SLC35B3: variants seen among roughly 807,000 people sequenced by gnomAD.
SLC35B3 encodes solute carrier family 35 member B3.
In SLC35B3, 35 loss-of-function variants were observed where a neutral mutation model predicts 44.1. The ratio of observed to expected loss-of-function variants is 0.79; its 90% CI spans 0.61 to 1.05. SLC35B3 has a LOEUF of 1.05. Among genes scored for constraint, SLC35B3 ranks in the 50% least tolerant of loss-of-function variants. The pLI, the probability that SLC35B3 is intolerant of heterozygous loss-of-function variation, is 0.00. For missense variants in SLC35B3, 414 were observed against 476.4 expected (o/e 0.87, Z 1.22); for synonymous variants, 146 against 167.3 (o/e 0.87, Z 0.98).
rs1764132444 is a variant in SLC35B3 at position 8,432,967 on chromosome 6, C to T, written c.3+1418G>A. ...AAATGGCCAAAGCTGATTATTTTCC[C>T]CTCAAAACAAATCTACTGTTTGTTC... On this transcript the variant is annotated intron_variant, in intron 2 of 10. Coordinates refer to ENST00000644923, the MANE Select transcript of SLC35B3 (RefSeq NM_001370476.2). The surrounding 1 kb of genome is among the most constrained non-coding windows in gnomAD (Gnocchi z 4.8). Among the ~76,000 whole-genome samples, 1 of 152,152 alleles carries T rather than the reference C, an allele frequency of 6.6e-6. No homozygotes were observed. Among genetic ancestry groups the T allele is most frequent in the South Asian group, 2.1e-4 (1 of 4,836 alleles).
chr6:8,421,734 G>C (rs1762908293), intron 5 of SLC35B3, among the ~76,000 whole-genome samples: 1 of 152,138 alleles, frequency 6.6e-6, no homozygotes, highest in African/African-American at 2.4e-5. Context: ...TAAAAACGCA[G>C]TTCTGCTCAG....
intron 5 of SLC35B3, 68 bp downstream of exon 4, chr6:8,422,402 T>C: frequency 8.6e-7 from 1 of 1,166,772 alleles, no homozygotes. Flanking sequence ...TTAATGTTTT[T>C]CCTAATGCTA....
rs1762088556 is a variant in SLC35B3, at chr6:8,412,554, A to T, written c.*995T>A. 6.6e-6 allele frequency among the ~76,000 whole-genome samples: 1 copy of T among 152,170 alleles called. No homozygotes were observed. The highest frequency in any genetic ancestry group is 2.4e-5 in the African/African-American group (1 of 41,444). The stretch of plus-strand genomic sequence containing the variant: ...ACACATACTTACATGATGCAGAATG[A>T]TGTCTGTTTTTACTACCTTGCCTAT... On this transcript the variant is annotated 3_prime_UTR_variant, in exon 11 of 11. Coordinates refer to ENST00000644923, the MANE Select transcript of SLC35B3 (RefSeq NM_001370476.2).
In SLC35B3 at chr6:8,432,231, A is replaced by C. The variant is rs1342994153; in HGVS notation, c.4-2074T>G. ...CCTTCTGCTTGGATACGATTTTTGA[A>C]ATGGATGGTGGTACTGGCAAACTTT... is the stretch of plus-strand genomic sequence containing the variant. On this transcript the variant is annotated intron_variant, in intron 2 of 10. Coordinates refer to ENST00000644923, the MANE Select transcript of SLC35B3 (RefSeq NM_001370476.2). The surrounding 1 kb of genome is among the most constrained non-coding windows in gnomAD (Gnocchi z 4.8). Among the ~76,000 whole-genome samples, 1 of 151,868 alleles carries C rather than the reference A, an allele frequency of 6.6e-6. No homozygotes were observed. The highest frequency in any genetic ancestry group is 1.5e-5 in the Non-Finnish European group (1 of 67,984).
intron 3 of SLC35B3, among the ~76,000 whole-genome samples, chr6:8,428,328 TTAA>T (rs1401498453): frequency 2.6e-4 from 40 of 152,330 alleles, no homozygotes; most frequent in Admixed American, 1.3e-3. Flanking sequence ...ATATCAGTTA[TTAA>T]TAAGCCATTC....
intron 5 of SLC35B3, among the ~76,000 whole-genome samples, chr6:8,421,590 C>G (rs962902859): frequency 1.3e-5 from 2 of 152,192 alleles, no homozygotes; most frequent in Admixed American, 1.3e-4. Flanking sequence ...ACGAATATTC[C>G]TCGTGACAAT....
At position 8,435,295 on chromosome 6, in the gene SLC35B3, A is replaced by G. The variant is rs528122697; in HGVS notation, c.-44+48T>C. The G allele has an allele frequency of 2.6e-3, 3,345 of 1,289,148 alleles. 3 individuals are homozygous for G. The highest frequency in any genetic ancestry group is 3.0e-3 in the Non-Finnish European group (3,010 of 988,800). 79.9% of individuals were successfully genotyped at this position (1,289,148 alleles called of 1,614,324 possible). ...GCAGTGTCAAGGTTTTCTGGAGGAGAGGAGATCTGGGTCCCAAACACAGGA... is the reference window on the plus strand; with the variant it reads ...GCAGTGTCAAGGTTTTCTGGAGGAGGGGAGATCTGGGTCCCAAACACAGGA... On this transcript the variant is annotated intron_variant, in intron 1 of 10. Coordinates refer to ENST00000644923, the MANE Select transcript of SLC35B3 (RefSeq NM_001370476.2). The surrounding 1 kb of genome is among the most constrained non-coding windows in gnomAD (Gnocchi z 5.5).
intron 4 of SLC35B3, 186 bp downstream of exon 3, chr6:8,427,751 G>T: frequency 2.3e-6 from 1 of 431,546 alleles, no homozygotes; most frequent in Non-Finnish European, 4.1e-6. Context: ...TTGTAATACT[G>T]CATTTAAGAC....
chr6:8,419,600 T>C lies in SLC35B3; in HGVS notation c.760A>G (p.Asn254Asp). The change falls in exon 7 of 11, where the codon AAT (asparagine) becomes GAT (aspartate). Residue 254 changes from asparagine to aspartate, a missense_variant. Physicochemically the swap from Asn to Asp is conservative, Grantham distance 23. Coordinates refer to ENST00000644923, the MANE Select transcript of SLC35B3 (RefSeq NM_001370476.2). This position sits in a 1 kb window ranked among gnomAD's most constrained non-coding sequence, Gnocchi z 4.3. ...TTTACCATTTCAGAATTAGAAGCAT[T>C]ATGAAGTTTCATAGCTTTCTCTTGA... 1 of 1,556,486 alleles carries C rather than the reference T, an allele frequency of 6.4e-7. No individual in the cohort carries two copies. Among genetic ancestry groups the C allele is most frequent in the Non-Finnish European group, 8.7e-7 (1 of 1,143,026 alleles).
chr6:8,418,047 G>A (rs188666081), intron 7 of SLC35B3, among the ~76,000 whole-genome samples: 11 of 152,040 alleles, frequency 7.2e-5, no homozygotes, highest in Admixed American at 2.0e-4. Flanking sequence ...AGCTCGGTAC[G>A]GATTATTCCA....
Position 8,414,921 on chromosome 6 carries a change from G to A in SLC35B3, c.1042C>T (p.Pro348Ser), listed in dbSNP as rs758163827. 8.1e-6 allele frequency: 13 copies of A among 1,600,818 alleles called. No homozygotes were observed. Among genetic ancestry groups the A allele is most frequent in the Non-Finnish European group, 1.1e-5 (13 of 1,170,912 alleles). Residue 348 changes from proline (P) to serine (S), a missense_variant, in exon 10 of 11, where the codon CCA (proline) becomes TCA (serine). Transcript: ENST00000644923. ...AGAAGTACTTACTGAAACGTGAATG[G>A]TTTAGCAAAGAATATAAACGAAAGT...
rs1020436802 is a variant in SLC35B3, at chr6:8,430,258, T to C, written c.4-101A>G. 6.6e-6 allele frequency: 7 copies of C among 1,061,812 alleles called. No homozygotes were observed. In the African/African-American group the frequency reaches 9.6e-5, roughly 15 times the overall value. The allele number at this position is 1,061,812 out of a possible 1,614,324, so 65.8% of individuals were successfully genotyped here. A position where few individuals can be genotyped will look rare whatever the true frequency, so the allele number is the denominator to read the frequency against. On this transcript the variant is annotated intron_variant, in intron 2 of 10. Transcript: ENST00000644923. The stretch of plus-strand genomic sequence containing the variant: ...TTAAAGTTATACAAATGTCTGCTTC[T>C]CTCTGGATATTAGTATATTAATTCC...
chr6:8,418,531 G>A, intron 7 of SLC35B3, among the ~76,000 whole-genome samples: 1 of 138,938 alleles, frequency 7.2e-6, no homozygotes, highest in East Asian at 2.1e-4. Flanking sequence ...CCAGTTACAA[G>A]ATATACAAAA....
chr6:8,415,324 G>T (rs1762320392), intron 9 of SLC35B3, among the ~76,000 whole-genome samples: 1 of 152,074 alleles, frequency 6.6e-6, no homozygotes, highest in African/African-American at 2.4e-5. Flanking sequence ...TAGAGGCAGG[G>T]GTTATTCTTT....
rs1764044704 is a variant in SLC35B3 at position 8,432,082 on chromosome 6, G to T, written c.4-1925C>A. Among the ~76,000 whole-genome samples the T allele has an allele frequency of 6.6e-6, 1 of 152,136 alleles. No individual in the cohort carries two copies. The highest frequency in any genetic ancestry group is 1.5e-5 in the Non-Finnish European group (1 of 68,036). On this transcript the variant is annotated intron_variant, in intron 2 of 10. Coordinates refer to ENST00000644923, the MANE Select transcript of SLC35B3 (RefSeq NM_001370476.2). The surrounding 1 kb of genome is among the most constrained non-coding windows in gnomAD (Gnocchi z 4.8). ...TTAGAAAAGAGAACTTGAAAGGCAAGATTCAAATCTTATTTGTCTCTGTGT... is the reference window on the plus strand; with the variant it reads ...TTAGAAAAGAGAACTTGAAAGGCAATATTCAAATCTTATTTGTCTCTGTGT...
At chr6:8,418,268 C>T (rs140178788) in intron 7 of SLC35B3, among the ~76,000 whole-genome samples, 1 of 152,104 alleles carries the variant, frequency 6.6e-6, no homozygotes, top group Admixed American at 6.6e-5. Flanking sequence ...TCCCTCAATT[C>T]TCTCTGTGCC....
intron 9 of SLC35B3, among the ~76,000 whole-genome samples, chr6:8,415,863 C>T (rs776309664): frequency 2.0e-5 from 3 of 152,102 alleles, no homozygotes; most frequent in Admixed American, 6.6e-5. Context: ...TGCTGTTTCT[C>T]GGAGTATGGC....
chr6:8,427,447 G>A (rs935213778), intron 4 of SLC35B3, among the ~76,000 whole-genome samples: 3 of 152,150 alleles, frequency 2.0e-5, no homozygotes, highest in Non-Finnish European at 2.9e-5. Context: ...ATATCATTTT[G>A]TGCACAAAAC....
At position 8,420,652 on chromosome 6, in the gene SLC35B3, A is replaced by T; in HGVS notation, c.682+69T>A. 1.7e-6 allele frequency: 2 copies of T among 1,206,246 alleles called. No individual in the cohort carries two copies. Among genetic ancestry groups the T allele is most frequent in the Non-Finnish European group, 2.4e-6 (2 of 836,110 alleles). 74.7% of individuals were successfully genotyped at this position (1,206,246 alleles called of 1,614,324 possible). The stretch of plus-strand genomic sequence containing the variant: ...TCACACTATCATTTAAAATGCTTAC[A>T]AAATATTCGAAATTCGTATTCTAAA... On this transcript the variant is annotated intron_variant, in intron 6 of 10. Coordinates refer to ENST00000644923, the MANE Select transcript of SLC35B3 (RefSeq NM_001370476.2). This position sits in a 1 kb window ranked among gnomAD's most constrained non-coding sequence, Gnocchi z 4.4.
Sources: allele counts gnomAD v4.1 joint callset (sites outside exome capture counted in the v4.1 genomes callset), GRCh38; gene constraint gnomAD v4.1.1; non-coding constraint Gnocchi (gnomAD v3.1); transcripts MANE v1.5; gene names NCBI Gene and HGNC (gene_info 2026-07-23, HGNC 2026-07-21).